MAP7D2: variants seen among roughly 807,000 people sequenced by gnomAD.
MAP7D2 encodes the protein MAP7 domain-containing protein 2.
A neutral mutation model predicts 63.5 loss-of-function variants in MAP7D2; 33 were observed. The observed-to-expected ratio is 0.52, with a 90% CI of 0.39 to 0.70. MAP7D2 has a LOEUF of 0.70. MAP7D2 is among the 30% of genes least tolerant of loss of function. MAP7D2 has a pLI of 0.00. For missense variants in MAP7D2, 626 were observed against 604.0 expected (o/e 1.04, Z -0.38); for synonymous variants, 224 against 223.7 (o/e 1.00, Z -0.01).
At chrX:20,039,108 C>T (rs369028316) in intron 8 of MAP7D2, among the ~76,000 whole-genome samples, 1 of 112,390 alleles carries the variant, frequency 8.9e-6, no homozygotes, top group African/African-American at 3.2e-5. Context: ...GTCATCAGTA[C>T]CAGCTACGAT....
At position 20,094,532 on chromosome X, in the gene MAP7D2, A is replaced by ATG. The variant is rs2066181829; in HGVS notation, c.130+22217_130+22218insCA. Among the ~76,000 whole-genome samples, 4 of 15,969 alleles carry ATG rather than the reference A, an allele frequency of 2.5e-4. 1 individual carries two copies. Among genetic ancestry groups the ATG allele is most frequent in the Non-Finnish European group, 3.6e-4 (4 of 11,252 alleles). The allele number at this position is 15,969 out of a possible 115,157, so 13.9% of individuals were successfully genotyped here. A position where few individuals can be genotyped will look rare whatever the true frequency, so the allele number is the denominator to read the frequency against. On this transcript the variant is annotated intron_variant, in intron 1 of 16. Transcript: ENST00000379643. ...TATATATATGTATATATATATATAT[A>ATG]TATATATATGTATATATATATATAT...
intron 8 of MAP7D2, among the ~76,000 whole-genome samples, chrX:20,034,912 G>A: frequency 9.0e-6 from 1 of 111,352 alleles, no homozygotes; most frequent in Non-Finnish European, 1.9e-5. Flanking sequence ...CTAACACCAA[G>A]CAATGAGGCA....
In MAP7D2 at chrX:20,044,370, G is replaced by T. The variant is rs767093052; in HGVS notation, c.873C>A (p.Ala291=). 7 of 1,211,017 alleles carry T rather than the reference G, an allele frequency of 5.8e-6. No homozygotes were observed. In the South Asian group the frequency reaches 1.2e-4, roughly 21 times the overall value. The stretch of plus-strand genomic sequence containing the variant: ...TGGGTGGTTTTAAACCTACCAGAGA[G>T]GCCTCTCCTCCTGAAAGGGCTTCTT... ...VGKEALSGGE[A]SLVEKVKRGQ... Residue 291 remains alanine (A), a synonymous_variant, in exon 7 of 17, where the codon GCC becomes GCA. Transcript: ENST00000379643.
intron 10 of MAP7D2, chrX:20,021,502 C>A (rs1253763396): frequency 1.8e-5 from 2 of 111,848 alleles, no homozygotes; most frequent in African/African-American, 6.5e-5. Context: ...TGGTACTTTC[C>A]TTCCTCACTC....
chrX:20,023,963 A>G (rs1173412475), intron 10 of MAP7D2, among the ~76,000 whole-genome samples: 1 of 112,297 alleles, frequency 8.9e-6, no homozygotes, highest in Non-Finnish European at 1.9e-5. Context: ...GTCCCTTTTA[A>G]AAAATAGATC....
intron 1 of MAP7D2, among the ~76,000 whole-genome samples, chrX:20,065,467 A>G (rs1158459877): frequency 9.1e-6 from 1 of 109,732 alleles, no homozygotes; most frequent in Admixed American, 9.7e-5. Context: ...GGGTTTCATC[A>G]TGTTGGCCAG....
intron 1 of MAP7D2, among the ~76,000 whole-genome samples, chrX:20,096,224 T>C (rs895474010): frequency 3.8e-5 from 4 of 104,385 alleles, no homozygotes; most frequent in African/African-American, 1.4e-4. Flanking sequence ...GGTCAGGAGT[T>C]AAGATCAGCC....
intron 3 of MAP7D2, among the ~76,000 whole-genome samples, chrX:20,058,038 A>G (rs752639837): frequency 8.9e-5 from 10 of 112,593 alleles, no homozygotes; most frequent in Middle Eastern, 9.3e-3. Flanking sequence ...CTCTCCAGGG[A>G]CCTGTAAGCA....
intron 1 of MAP7D2, among the ~76,000 whole-genome samples, chrX:20,066,220 T>C (rs906935795): frequency 8.9e-6 from 1 of 112,393 alleles, no homozygotes; most frequent in Non-Finnish European, 1.9e-5. Context: ...GCTTTCATGT[T>C]AATATAACCA....
intron 8 of MAP7D2, among the ~76,000 whole-genome samples, chrX:20,036,859 G>A (rs1175589532): frequency 6.8e-5 from 6 of 88,412 alleles, no homozygotes; most frequent in East Asian, 3.6e-4. Flanking sequence ...AGCTGAGATC[G>A]CACCACTGCA....
At chrX:20,078,937 G>T (rs1388307244) in intron 1 of MAP7D2, among the ~76,000 whole-genome samples, 1 of 109,342 alleles carries the variant, frequency 9.1e-6, no homozygotes, top group Admixed American at 1.0e-4. Context: ...GGACCCATTG[G>T]GTAGGCTAGG....
intron 8 of MAP7D2, among the ~76,000 whole-genome samples, chrX:20,039,491 T>G (rs2064590495): frequency 8.9e-6 from 1 of 112,168 alleles, no homozygotes; most frequent in African/African-American, 3.2e-5. Context: ...AGATTATGTA[T>G]GATCTCAGGA....
At position 20,075,566 on chromosome X, in the gene MAP7D2, T is replaced by G. The variant is rs1341895809; in HGVS notation, c.131-10761A>C. 2.7e-5 allele frequency among the ~76,000 whole-genome samples: 3 copies of G among 111,093 alleles called. No individual in the cohort carries two copies. In the East Asian group the frequency reaches 8.4e-4, roughly 31 times the overall value. ...AATTGAGTGAGGGAAGGGTTTTGTG[T>G]GACTCTTGGAAGGTACAGTGTGTGG... is the stretch of plus-strand genomic sequence containing the variant. On this transcript the variant is annotated intron_variant, in intron 1 of 16. Transcript: ENST00000379643.
intron 1 of MAP7D2, 68 bp from the exon 2 acceptor site, chrX:20,064,873 C>A (rs932617340): frequency 1.0e-6 from 1 of 971,735 alleles, no homozygotes; most frequent in Admixed American, 2.2e-5. Context: ...GTACTATAGG[C>A]AACTGGGCAT....
intron 1 of MAP7D2, among the ~76,000 whole-genome samples, chrX:20,080,802 A>G (rs962319881): frequency 5.4e-5 from 6 of 111,662 alleles, no homozygotes; most frequent in Non-Finnish European, 7.5e-5. Flanking sequence ...AGGAGGAGGG[A>G]AAAGAGGGAA....
intron 1 of MAP7D2, among the ~76,000 whole-genome samples, chrX:20,098,398 C>A (rs2066330765): frequency 8.9e-6 from 1 of 112,086 alleles, no homozygotes; most frequent in Admixed American, 9.5e-5. Flanking sequence ...AAGAGAGACA[C>A]CAATGTCACA....
At chrX:20,094,580 A>G (rs1410055134) in intron 1 of MAP7D2, among the ~76,000 whole-genome samples, 5 of 54,435 alleles carry the variant, frequency 9.2e-5, no homozygotes, top group African/African-American at 1.4e-4. Flanking sequence ...ATATATATGT[A>G]TATATATATA....
intron 6 of MAP7D2, 117 bp from the exon 7 acceptor site, chrX:20,044,641 CTTTTCTATT>C: frequency 1.5e-6 from 1 of 652,534 alleles, no homozygotes; most frequent in Middle Eastern, 3.2e-4. Context: ...CAATATCATA[CTTTTCTATT>C]GTACACAGGA....
At position 20,018,871 on chromosome X, in the gene MAP7D2, G is replaced by A. The variant is rs149911041; in HGVS notation, c.1413-2546C>T. 1.2e-3 allele frequency among the ~76,000 whole-genome samples: 135 copies of A among 111,347 alleles called. 1 individual carries two copies. The highest frequency in any genetic ancestry group is 4.6e-3 in the Middle Eastern group (1 of 218). The stretch of plus-strand genomic sequence containing the variant: ...AACCAGGTCCCTCACAATCCTCTCC[G>A]AGGATGAGCATTCCTTCTGTCTCTG... On this transcript the variant is annotated intron_variant, in intron 10 of 16. Transcript: ENST00000379643.
Sources: allele counts gnomAD v4.1 joint callset (sites outside exome capture counted in the v4.1 genomes callset), GRCh38; gene constraint gnomAD v4.1.1; transcripts MANE v1.5; gene names NCBI Gene and HGNC (gene_info 2026-07-23, HGNC 2026-07-21).